The following PRORP variants were observed in gnomAD, a reference collection of about 807,000 sequenced individuals.
PRORP encodes protein only RNase P catalytic subunit, also known as mitochondrial ribonuclease P catalytic subunit.
In PRORP, 51 loss-of-function variants were observed where a neutral mutation model predicts 59.4. The observed-to-expected ratio is 0.86, with a 90% confidence interval of 0.69 to 1.08. The LOEUF is 1.08. PRORP is among the 50% of genes least tolerant of loss of function. PRORP has a pLI of 0.00. For synonymous variants in PRORP, 231 were observed against 245.6 expected (o/e 0.94, Z 0.55); for missense variants, 646 against 690.3 (o/e 0.94, Z 0.72).
At chr14:35,255,080 T>C (rs368785629) in intron 5 of PRORP, among the ~76,000 whole-genome samples, 3 of 152,176 alleles carry the variant, frequency 2.0e-5, no homozygotes, top group East Asian at 1.9e-4. Flanking sequence ...CATTATATTA[T>C]ATTAATTTGA....
intron 5 of PRORP, among the ~76,000 whole-genome samples, chr14:35,184,367 G>A (rs952955794): frequency 6.6e-6 from 1 of 152,074 alleles, no homozygotes; most frequent in Non-Finnish European, 1.5e-5. Flanking sequence ...ATTCATGTCA[G>A]TAGAAACTTG....
Position 35,162,064 on chromosome 14 carries a change from C to G in PRORP, c.1168-18606C>G, listed in dbSNP as rs373713004. ...CCTTCCTCTCTCTCCTCTTCCCCTT[C>G]TCTTTTTTCTTCTTTCTAGCTGTAT... is the stretch of plus-strand genomic sequence containing the variant. On this transcript the variant is annotated intron_variant, in intron 4 of 7. Transcript: ENST00000534898. Among the ~76,000 whole-genome samples the G allele has an allele frequency of 3.8e-4, 58 of 152,178 alleles. No homozygotes were observed. The South Asian group carries it at 0.011, about 29-fold the overall frequency.
At chr14:35,206,950 T>G (rs1227612749) in intron 5 of PRORP, among the ~76,000 whole-genome samples, 1 of 152,210 alleles carries the variant, frequency 6.6e-6, no homozygotes, top group Non-Finnish European at 1.5e-5. Context: ...TCTTTGTAAT[T>G]TAGCAGTGTT....
chr14:35,156,989 T>A (rs1360748275), intron 4 of PRORP, among the ~76,000 whole-genome samples: 1 of 145,272 alleles, frequency 6.9e-6, no homozygotes, highest in Non-Finnish European at 1.5e-5. Context: ...GGAATCTTGC[T>A]CTGTCGCCCA....
chr14:35,277,003 C>T lies in PRORP; in HGVS notation c.*3437C>T, dbSNP rs7143017. The T allele has an allele frequency of 4.9e-4, 75 of 152,132 alleles. No homozygotes were observed. Among genetic ancestry groups the T allele is most frequent in the African/African-American group, 1.8e-3 (74 of 41,512 alleles). 9.4% of individuals were successfully genotyped at this position (152,132 alleles called of 1,614,324 possible). Reference sequence around the variant, plus strand: ...AAATATAATTACTGCTTCCTTGGTCCTCTAGCAGATTTCTCACTTTTATTT... The same window carrying T: ...AAATATAATTACTGCTTCCTTGGTCTTCTAGCAGATTTCTCACTTTTATTT... On this transcript the variant is annotated 3_prime_UTR_variant, in exon 8 of 8. Transcript: ENST00000534898.
At chr14:35,257,430 C>CATCA (rs1237805954) in intron 5 of PRORP, among the ~76,000 whole-genome samples, 1 of 152,132 alleles carries the variant, frequency 6.6e-6, no homozygotes, top group Non-Finnish European at 1.5e-5. Flanking sequence ...CTTTAGGTAA[C>CATCA]TTATGTAAGT....
In PRORP at chr14:35,266,636, T is replaced by C; in HGVS notation, c.1276-91T>C. ...CTTACCCCCTACCAGAAAAGAGTGC[T>C]TCACCATTGAGGTGGCCTGCTGGAA... On this transcript the variant is annotated intron_variant, in intron 5 of 7. Transcript: ENST00000534898. The C allele has an allele frequency of 5.2e-6, 7 of 1,359,172 alleles. No homozygotes were observed. The South Asian group carries it at 9.3e-5, about 18-fold the overall frequency. 84.2% of individuals were successfully genotyped at this position (1,359,172 alleles called of 1,614,324 possible).
chr14:35,121,857 T>G (rs2046911943), upstream of PRORP: 2 of 1,605,206 alleles, frequency 1.2e-6, no homozygotes, highest in Non-Finnish European at 1.7e-6. Context: ...CCTCTAGGAG[T>G]TTAGGGCCGG....
At position 35,132,398 on chromosome 14, in the gene PRORP, C is replaced by A. The variant is rs529352112; in HGVS notation, c.1167+4787C>A. On this transcript the variant is annotated intron_variant, in intron 4 of 7. Transcript: ENST00000534898. The stretch of plus-strand genomic sequence containing the variant: ...GTTTGAACCTGGGAGCCGGAGGTTG[C>A]GGTGAGCCAAGGTCACACTACTGCA... Among the ~76,000 whole-genome samples the A allele has an allele frequency of 3.3e-5, 5 of 151,862 alleles. No homozygotes were observed. The East Asian group carries it at 9.8e-4, about 30-fold the overall frequency.
intron 5 of PRORP, among the ~76,000 whole-genome samples, chr14:35,249,321 C>G (rs185325476): frequency 2.9e-4 from 44 of 152,216 alleles, no homozygotes; most frequent in South Asian, 6.2e-4. Context: ...GTGGTTCATA[C>G]CTGTAATCTC....
chr14:35,142,846 CA>C lies in PRORP; in HGVS notation c.1167+15248del, dbSNP rs540463728. On this transcript the variant is annotated intron_variant, in intron 4 of 7. Coordinates refer to ENST00000534898, the MANE Select transcript of PRORP (RefSeq NM_014672.4). ...AGGTGACAGAGTGAGACTCTTGTCT[CA>C]AAAAAAAAAAAATTGTAAAGATGGG... Among the ~76,000 whole-genome samples the C allele has an allele frequency of 3.7e-3, 484 of 129,492 alleles. 9 individuals carry two copies. The highest frequency in any genetic ancestry group is 9.3e-3 in the African/African-American group (350 of 37,480). The allele number at this position is 129,492 out of a possible 152,430, so 85.0% of individuals were successfully genotyped here. A position where few individuals can be genotyped will look rare whatever the true frequency, so the allele number is the denominator to read the frequency against.
rs145337885 is a variant in PRORP, at chr14:35,254,382, CTTGT to C, written c.1276-12322_1276-12319del. Among the ~76,000 whole-genome samples the C allele has an allele frequency of 7.6e-3, 1,158 of 151,818 alleles. 19 individuals are homozygous for C. The highest frequency in any genetic ancestry group is 0.026 in the African/African-American group (1,074 of 41,414). On this transcript the variant is annotated intron_variant, in intron 5 of 7. Transcript: ENST00000534898. ...TCAGTCTCCTGTTTTGGTTTGTTTGCTTGTTTGTTTGTTTGTTTGTTTGTTTTGA... is the reference window on the plus strand; with the variant it reads ...TCAGTCTCCTGTTTTGGTTTGTTTGCTTGTTTGTTTGTTTGTTTGTTTTGA...
rs1015990165 is a variant in PRORP, at chr14:35,137,909, G to A, written c.1167+10298G>A. ...TGGTTGTCTCTTCGTGCATGTACATGTGTGTGTTGGTTTTGTTTTGGTTGG... is the reference window on the plus strand; with the variant it reads ...TGGTTGTCTCTTCGTGCATGTACATATGTGTGTTGGTTTTGTTTTGGTTGG... On this transcript the variant is annotated intron_variant, in intron 4 of 7. Transcript: ENST00000534898. Among the ~76,000 whole-genome samples the A allele has an allele frequency of 1.4e-5, 2 of 145,824 alleles. 1 individual carries two copies. Among genetic ancestry groups the A allele is most frequent in the Non-Finnish European group, 3.0e-5 (2 of 65,594 alleles).
At chr14:35,134,995 G>C (rs891981726) in intron 4 of PRORP, among the ~76,000 whole-genome samples, 2 of 152,182 alleles carry the variant, frequency 1.3e-5, no homozygotes, top group Non-Finnish European at 2.9e-5. Flanking sequence ...GCTAGAGCTA[G>C]TTTAAATGCC....
intron 4 of PRORP, among the ~76,000 whole-genome samples, chr14:35,151,313 G>T (rs1480750393): frequency 6.6e-6 from 1 of 151,840 alleles, no homozygotes; most frequent in African/African-American, 2.4e-5. Flanking sequence ...TACTAGATTA[G>T]AAACAGTAAT....
At chr14:35,270,654 G>A (rs2051163435) in intron 7 of PRORP, 58 bp downstream of exon 7, 28 of 1,461,994 alleles carry the variant, frequency 1.9e-5, no homozygotes, top group Non-Finnish European at 2.5e-5. Context: ...GTAAGAATGT[G>A]GCATAGAAAA....
chr14:35,231,841 T>C (rs1002861994), intron 5 of PRORP, among the ~76,000 whole-genome samples: 7 of 152,200 alleles, frequency 4.6e-5, no homozygotes, highest in African/African-American at 1.7e-4. Context: ...TAAGGAACTT[T>C]AGGTCTAGTT....
At chr14:35,191,806 C>T (rs1314683034) in intron 5 of PRORP, among the ~76,000 whole-genome samples, 1 of 152,202 alleles carries the variant, frequency 6.6e-6, no homozygotes, top group East Asian at 1.9e-4. Flanking sequence ...ACCAAGGATT[C>T]CAGCCAGCCA....
rs1306998453 is a variant in PRORP at position 35,274,973 on chromosome 14, G to A, written c.*1407G>A. 1 of 152,088 alleles carries A rather than the reference G, an allele frequency of 6.6e-6. No individual in the cohort carries two copies. The highest frequency in any genetic ancestry group is 1.5e-5 in the Non-Finnish European group (1 of 68,026). The allele number at this position is 152,088 out of a possible 1,614,324, so 9.4% of individuals were successfully genotyped here. ...TTCATGTCTGCACCCCTTCATGATA[G>A]TTCTTTCTTTACGTATACATACTGT... On this transcript the variant is annotated 3_prime_UTR_variant, in exon 8 of 8. Coordinates refer to ENST00000534898, the MANE Select transcript of PRORP (RefSeq NM_014672.4).
Sources: allele counts gnomAD v4.1 joint callset (sites outside exome capture counted in the v4.1 genomes callset), GRCh38; gene constraint gnomAD v4.1.1; transcripts MANE v1.5; gene names NCBI Gene and HGNC (gene_info 2026-07-23, HGNC 2026-07-21).